The following DIMT1 variants were observed in gnomAD, a reference collection of about 807,000 sequenced individuals.
DIMT1 encodes the protein DIM1 rRNA methyltransferase and ribosome maturation factor.
A neutral mutation model predicts 43.2 loss-of-function variants in DIMT1; 36 were observed. The ratio of observed to expected loss-of-function variants is 0.83; its 90% CI spans 0.64 to 1.10. The LOEUF is 1.10. Ranked by LOEUF, DIMT1 falls within the 50% of genes least tolerant of loss-of-function variation. The pLI, the probability that DIMT1 is intolerant of heterozygous loss-of-function variation, is 0.00. For synonymous variants in DIMT1, 126 were observed against 130.3 expected (o/e 0.97, Z 0.22); for missense variants, 341 against 385.3 (o/e 0.88, Z 0.96).
intron 10 of DIMT1, chr5:62,391,890 T>G (rs1742316384): frequency 1.3e-5 from 20 of 1,531,502 alleles, no homozygotes; most frequent in Non-Finnish European, 1.7e-5. Flanking sequence ...TTGAGGAACC[T>G]GTAACTGCTG....
At position 62,390,907 on chromosome 5, in the gene DIMT1, C is replaced by T; in HGVS notation, c.868G>A (p.Ala290Thr). Residue 290 changes from alanine (A) to threonine (T), a missense_variant, in exon 11 of 12, where the codon GCC becomes ACC. Transcript: ENST00000199320. ...AAGTCATCTATGTCCATGGAACGGG[C>T]CCGTTTGTCACTAAAACCTGTGCTG... ...LTSTGFSDKR[A>T]RSMDIDDFIR... is the part of the protein sequence containing the mutation. 3 of 1,612,046 alleles carry T rather than the reference C, an allele frequency of 1.9e-6. No homozygotes were observed. Among genetic ancestry groups the T allele is most frequent in the Non-Finnish European group, 2.5e-6 (3 of 1,179,844 alleles).
intron 6 of DIMT1, among the ~76,000 whole-genome samples, chr5:62,397,794 G>A (rs898443023): frequency 2.0e-5 from 3 of 151,594 alleles, no homozygotes; most frequent in Non-Finnish European, 3.0e-5. Flanking sequence ...GACTACAGGC[G>A]CCCGCCACTA....
Position 62,394,057 on chromosome 5 carries a change from A to G in DIMT1, c.571-10T>C. ...AGTTATTCTTTCCCACCTGTTAATGAAAAAGTATTTAAGTAGTACTCACAA... is the reference window on the plus strand; with the variant it reads ...AGTTATTCTTTCCCACCTGTTAATGGAAAAGTATTTAAGTAGTACTCACAA... On this transcript the variant is annotated splice_polypyrimidine_tract_variant and intron_variant, in intron 7 of 11. Transcript: ENST00000199320. 1 of 1,610,324 alleles carries G rather than the reference A, an allele frequency of 6.2e-7. No individual in the cohort carries two copies. Among genetic ancestry groups the G allele is most frequent in the East Asian group, 2.2e-5 (1 of 44,800 alleles).
Position 62,403,828 on chromosome 5 carries a change from A to C in DIMT1, c.-56T>G. 6.4e-7 allele frequency: 1 copy of C among 1,555,516 alleles called. No individual in the cohort carries two copies. The highest frequency in any genetic ancestry group is 2.3e-5 in the East Asian group (1 of 43,050). On this transcript the variant is annotated 5_prime_UTR_variant, in exon 1 of 12. Transcript: ENST00000199320. Reference sequence around the variant, plus strand: ...ACGTCAAGGAGGACCAAAGAGGGCTAGCGTGAGAAAGCCACCACGTGGGGA... The same window carrying C: ...ACGTCAAGGAGGACCAAAGAGGGCTCGCGTGAGAAAGCCACCACGTGGGGA...
Position 62,388,272 on chromosome 5 carries a change from CTA to C in DIMT1, c.*736_*737del, listed in dbSNP as rs1742130466. On this transcript the variant is annotated 3_prime_UTR_variant, in exon 12 of 12. Transcript: ENST00000199320. ...AAAACCCTCTGAAATTTTGCTAAGC[CTA>C]TAGTTATCTCCCTAAGAACCATAAA... The C allele has an allele frequency of 6.6e-6, 1 of 152,238 alleles. No homozygotes were observed. Among genetic ancestry groups the C allele is most frequent in the Admixed American group, 6.5e-5 (1 of 15,292 alleles). The allele number at this position is 152,238 out of a possible 1,614,324, so 9.4% of individuals were successfully genotyped here.
chr5:62,403,835 G>C lies in DIMT1; in HGVS notation c.-63C>G. The C allele has an allele frequency of 6.5e-7, 1 of 1,545,980 alleles. No homozygotes were observed. Among genetic ancestry groups the C allele is most frequent in the Non-Finnish European group, 8.8e-7 (1 of 1,136,964 alleles). On this transcript the variant is annotated 5_prime_UTR_variant, in exon 1 of 12. Transcript: ENST00000199320. ...GGAGGACCAAAGAGGGCTAGCGTGA[G>C]AAAGCCACCACGTGGGGATCGCCGC...
chr5:62,394,072 A>G (rs1742396904), intron 7 of DIMT1, 25 bp from the exon 8 acceptor site: 1 of 1,606,126 alleles, frequency 6.2e-7, no homozygotes, highest in African/African-American at 1.3e-5. Flanking sequence ...GTATTTAAGT[A>G]GTACTCACAA....
intron 6 of DIMT1, 134 bp from the exon 7 acceptor site, chr5:62,394,741 G>T (rs933613742): frequency 3.9e-6 from 5 of 1,291,500 alleles, no homozygotes; most frequent in Non-Finnish European, 3.2e-6. Flanking sequence ...AACACATTCA[G>T]CCTTTTTTTT....
chr5:62,395,184 C>T (rs756060614), intron 6 of DIMT1, among the ~76,000 whole-genome samples: 5 of 152,128 alleles, frequency 3.3e-5, no homozygotes, highest in Non-Finnish European at 5.9e-5. Flanking sequence ...ACTACCACCC[C>T]TGGCCAATTT....
At chr5:62,398,327 T>C in intron 6 of DIMT1, 184 bp downstream of exon 6, 1 of 606,650 alleles carries the variant, frequency 1.6e-6, no homozygotes, top group Admixed American at 2.9e-5. Context: ...GAAGCAGGAC[T>C]TCCAGCACAC....
intron 3 of DIMT1, 24 bp downstream of exon 3, chr5:62,402,012 C>T: frequency 6.2e-7 from 1 of 1,607,094 alleles, no homozygotes; most frequent in Non-Finnish European, 8.5e-7. Flanking sequence ...ATTTGTGATA[C>T]CAAACATTAA....
At chr5:62,398,783 G>C in intron 4 of DIMT1, 37 bp downstream of exon 4, 1 of 1,613,642 alleles carries the variant, frequency 6.2e-7, no homozygotes, top group Non-Finnish European at 8.5e-7. Context: ...TGTTTCATGA[G>C]ATTGAAATGC....
intron 3 of DIMT1, among the ~76,000 whole-genome samples, chr5:62,399,796 C>G (rs944113742): frequency 6.6e-6 from 1 of 152,118 alleles, no homozygotes; most frequent in Non-Finnish European, 1.5e-5. Flanking sequence ...ATCCCAGCTA[C>G]TCAGGAGGCT....
chr5:62,388,939 A>G lies in DIMT1; in HGVS notation c.*71T>C. On this transcript the variant is annotated 3_prime_UTR_variant, in exon 12 of 12. Coordinates refer to ENST00000199320, the MANE Select transcript of DIMT1 (RefSeq NM_014473.4). ...AATGTCTCAGTAAAGCAAAAGCATT[A>G]TCTTCTCAAATACAAAAAATACAAA... The G allele has an allele frequency of 7.0e-7, 1 of 1,430,142 alleles. No individual in the cohort carries two copies. Among genetic ancestry groups the G allele is most frequent in the Non-Finnish European group, 9.7e-7 (1 of 1,026,514 alleles). The allele number at this position is 1,430,142 out of a possible 1,614,324, so 88.6% of individuals were successfully genotyped here.
chr5:62,391,694 C>G (rs72769109), intron 10 of DIMT1: 13 of 1,265,458 alleles, frequency 1.0e-5, no homozygotes, highest in Non-Finnish European at 1.3e-5. Context: ...ACAAATGATA[C>G]GCATGAGGCT....
intron 6 of DIMT1, 113 bp from the exon 7 acceptor site, chr5:62,394,720 T>C: frequency 1.2e-6 from 1 of 850,820 alleles, no homozygotes. Flanking sequence ...CAGCTGATTA[T>C]AAGGTAGGAG....
chr5:62,403,432 G>T, intron 1 of DIMT1, 86 bp from the exon 2 acceptor site: 1 of 1,330,982 alleles, frequency 7.5e-7, no homozygotes, highest in Non-Finnish European at 1.1e-6. Context: ...ATGGGTATGG[G>T]GAAGATTTCT....
rs1442779554 is a variant in DIMT1 at position 62,391,038 on chromosome 5, G to T, written c.793-56C>A. Reference sequence around the variant, plus strand: ...GACATATCTTTAATGAGGTCACCTTGACTCTTTTTTTTAGTTCAGTAAGTC... The same window carrying T: ...GACATATCTTTAATGAGGTCACCTTTACTCTTTTTTTTAGTTCAGTAAGTC... On this transcript the variant is annotated intron_variant, in intron 10 of 11. Transcript: ENST00000199320. 6 of 1,459,082 alleles carry T rather than the reference G, an allele frequency of 4.1e-6. No homozygotes were observed. The Admixed American group carries it at 8.4e-5, about 21-fold the overall frequency. 90.4% of individuals were successfully genotyped at this position (1,459,082 alleles called of 1,614,324 possible).
intron 10 of DIMT1, 177 bp downstream of exon 10, chr5:62,391,994 C>G: frequency 6.5e-7 from 1 of 1,542,554 alleles, no homozygotes; most frequent in Non-Finnish European, 8.7e-7. Context: ...ACAGGATACA[C>G]AGCAGCACTG....
Sources: allele counts gnomAD v4.1 joint callset (sites outside exome capture counted in the v4.1 genomes callset), GRCh38; gene constraint gnomAD v4.1.1; transcripts MANE v1.5; gene names NCBI Gene and HGNC (gene_info 2026-07-23, HGNC 2026-07-21).